The following PTK2 variants were observed in gnomAD, a reference collection of about 807,000 sequenced individuals.
The protein encoded by PTK2 is focal adhesion kinase 1.
A neutral mutation model predicts 150.1 loss-of-function variants in PTK2; 45 were observed. The observed-to-expected ratio is 0.30, with a 90% CI of 0.24 to 0.38. The LOEUF (loss-of-function observed/expected upper bound fraction) is 0.38, where lower values mean the gene tolerates loss of function less well. Ranked by LOEUF, PTK2 falls within the 10% of genes least tolerant of loss-of-function variation. The pLI is 1.00. For missense variants in PTK2, 919 were observed against 1,307.3 expected, an observed-to-expected ratio of 0.70 and a Z score of 4.58; for synonymous variants, 432 against 449.2, an observed-to-expected ratio of 0.96 and a Z score of 0.48.
chr8:140,822,713 A>G (rs2100109509), intron 8 of PTK2, among the ~76,000 whole-genome samples: 1 of 152,198 alleles, frequency 6.6e-6, no homozygotes, highest in South Asian at 2.1e-4. Flanking sequence ...CACTTATATA[A>G]GATCCACGTT....
In PTK2 at chr8:140,778,450, C is replaced by CA. The variant is rs879500841; in HGVS notation, c.1177+11023dup. Among the ~76,000 whole-genome samples, 8 of 151,998 alleles carry CA rather than the reference C, an allele frequency of 5.3e-5. No individual in the cohort carries two copies. The East Asian group carries it at 7.7e-4, about 15-fold the overall frequency. ...TGGGTGACAGAGAGGGGCTCTGTCT[C>CA]AAAAAAAGTAGTAGATCTAACTGGG... On this transcript the variant is annotated intron_variant, in intron 14 of 31. Transcript: ENST00000522684.
chr8:140,964,480 C>A (rs557137747), intron 1 of PTK2, among the ~76,000 whole-genome samples: 9 of 151,360 alleles, frequency 5.9e-5, no homozygotes, highest in Admixed American at 2.0e-4. Flanking sequence ...CAGGCTCATG[C>A]GATTCTCCTA....
At chr8:140,827,809 C>T (rs1211973274) in intron 8 of PTK2, among the ~76,000 whole-genome samples, 1 of 152,104 alleles carries the variant, frequency 6.6e-6, no homozygotes, top group Non-Finnish European at 1.5e-5. Flanking sequence ...TGTCTTTGCC[C>T]TCAACAATCT....
rs192493088 is a variant in PTK2 at position 140,687,375 on chromosome 8, C to A, written c.2500-681G>T. Among the ~76,000 whole-genome samples the A allele has an allele frequency of 3.1e-3, 472 of 152,258 alleles. 1 individual carries two copies. Among genetic ancestry groups the A allele is most frequent in the Middle Eastern group, 6.8e-3 (2 of 294 alleles). ...CCACATACTTCTTCCCGGAAAACTT[C>A]TGTTCACTCTTCAAGGCTGAGCCAG... On this transcript the variant is annotated intron_variant, in intron 26 of 31. Transcript: ENST00000522684.
At chr8:140,884,343 C>T (rs1483459535) in intron 3 of PTK2, among the ~76,000 whole-genome samples, 1 of 152,052 alleles carries the variant, frequency 6.6e-6, no homozygotes, top group African/African-American at 2.4e-5. Context: ...GCTTTCCTTT[C>T]TAGCTTTCTT....
At chr8:140,858,395 C>A in intron 5 of PTK2, among the ~76,000 whole-genome samples, 1 of 142,886 alleles carries the variant, frequency 7.0e-6, no homozygotes, top group South Asian at 2.3e-4. Flanking sequence ...CCTAGAGGTA[C>A]ATGTAGCATG....
intron 7 of PTK2, among the ~76,000 whole-genome samples, chr8:140,842,244 T>A (rs1025217040): frequency 5.3e-5 from 8 of 152,050 alleles, no homozygotes; most frequent in African/African-American, 1.9e-4. Context: ...CTAGAATGTA[T>A]TATTACCTTT....
At chr8:140,665,116 TTC>T in intron 30 of PTK2, 119 bp from the exon 35 acceptor site, 1 of 863,502 alleles carries the variant, frequency 1.2e-6, no homozygotes, top group East Asian at 2.7e-5. Context: ...GTATTTCTTT[TTC>T]TCAGTGCTTA....
intron 23 of PTK2, among the ~76,000 whole-genome samples, chr8:140,715,152 A>G (rs1311403298): frequency 8.0e-6 from 1 of 125,066 alleles, no homozygotes; most frequent in Admixed American, 9.1e-5. Flanking sequence ...AGCCATTAAA[A>G]CCGTTTTTTT....
intron 21 of PTK2, among the ~76,000 whole-genome samples, chr8:140,736,555 CT>C (rs1418154421): frequency 1.3e-5 from 2 of 152,046 alleles, no homozygotes; most frequent in South Asian, 4.2e-4. Context: ...AAAAATTCAC[CT>C]TTAAAACAAA....
At chr8:140,807,941 C>T (rs917799383) in intron 10 of PTK2, among the ~76,000 whole-genome samples, 3 of 152,028 alleles carry the variant, frequency 2.0e-5, no homozygotes, top group Non-Finnish European at 4.4e-5. Flanking sequence ...ATTGGCAAGG[C>T]ATTGAGGGGT....
intron 4 of PTK2, among the ~76,000 whole-genome samples, chr8:140,871,393 G>A (rs201116785): frequency 4.2e-4 from 64 of 152,294 alleles, no homozygotes; most frequent in East Asian, 3.5e-3. Context: ...TCATCATTAA[G>A]CACACAAAGA....
At chr8:140,700,780 T>G (rs1439405075) in intron 26 of PTK2, 111 bp downstream of exon 29, 1 of 1,405,498 alleles carries the variant, frequency 7.1e-7, no homozygotes, top group African/African-American at 1.4e-5. Context: ...TAAGAAGTAG[T>G]TGTAAAACTA....
intron 1 of PTK2, among the ~76,000 whole-genome samples, chr8:140,929,781 A>G (rs2100171068): frequency 6.6e-6 from 1 of 151,614 alleles, no homozygotes; most frequent in Non-Finnish European, 1.5e-5. Context: ...CTTTCTCTCC[A>G]TAACTTAGTT....
intron 2 of PTK2, among the ~76,000 whole-genome samples, chr8:140,914,616 C>T (rs1345420485): frequency 6.6e-6 from 1 of 152,038 alleles, no homozygotes; most frequent in African/African-American, 2.4e-5. Flanking sequence ...CTGTTGTTCC[C>T]TTCTTCGTAG....
chr8:140,998,905 T>C (rs2100198893), intron 1 of PTK2, among the ~76,000 whole-genome samples: 1 of 152,028 alleles, frequency 6.6e-6, no homozygotes, highest in Non-Finnish European at 1.5e-5. Flanking sequence ...GAGAACATGA[T>C]TTTGAGGACT....
intron 1 of PTK2, among the ~76,000 whole-genome samples, chr8:140,982,370 G>A (rs1323351503): frequency 1.3e-5 from 2 of 152,190 alleles, no homozygotes; most frequent in East Asian, 1.9e-4. Flanking sequence ...AGGCTGAGGC[G>A]GGCAGATCAC....
chr8:140,993,155 C>A (rs924109158), intron 1 of PTK2, among the ~76,000 whole-genome samples: 1 of 152,132 alleles, frequency 6.6e-6, no homozygotes, highest in Non-Finnish European at 1.5e-5. Flanking sequence ...TGGCCCAAGT[C>A]TGATAGTAGT....
At chr8:140,979,650 G>C (rs2100190645) in intron 1 of PTK2, among the ~76,000 whole-genome samples, 1 of 152,214 alleles carries the variant, frequency 6.6e-6, no homozygotes, top group South Asian at 2.1e-4. Flanking sequence ...ATCTTGAATT[G>C]TAGCTCCCAC....
Sources: gnomAD v4.1 joint callset for allele counts (sites outside exome capture counted in the v4.1 genomes callset) on GRCh38, gnomAD v4.1.1 for gene constraint, MANE v1.5 for transcripts, NCBI Gene and HGNC (gene_info 2026-07-23, HGNC 2026-07-21) for gene names.